MERTK: variants seen among roughly 807,000 people sequenced by gnomAD.
MERTK encodes MER proto-oncogene, tyrosine kinase.
Under a neutral mutation model 99.3 loss-of-function variants are expected in MERTK, and 69 were observed. That is an observed-to-expected ratio of 0.70 (90% confidence interval 0.57 to 0.85). MERTK has a LOEUF of 0.85. MERTK is among the 40% of genes least tolerant of loss of function. MERTK has a pLI of 0.00. For missense variants in MERTK, 1,125 were observed against 1,249.4 expected (o/e 0.90, Z 1.50); for synonymous variants, 426 against 467.6 (o/e 0.91, Z 1.15).
intron 1 of MERTK, among the ~76,000 whole-genome samples, chr2:111,905,791 A>G (rs1684126843): frequency 6.6e-6 from 1 of 152,100 alleles, no homozygotes; most frequent in South Asian, 2.1e-4. Context: ...TCAATTCTAA[A>G]GCATTTTATT....
rs983297088 is a variant in MERTK at position 112,022,678 on chromosome 2, A to G, written c.2486+284A>G. 6.2e-6 allele frequency: 4 copies of G among 646,914 alleles called. No homozygotes were observed. The East Asian group carries it at 1.2e-4, about 20-fold the overall frequency. The allele number at this position is 646,914 out of a possible 1,614,324, so 40.1% of individuals were successfully genotyped here. On this transcript the variant is annotated intron_variant, in intron 18 of 18. Coordinates refer to ENST00000295408, the MANE Select transcript of MERTK (RefSeq NM_006343.3). The stretch of plus-strand genomic sequence containing the variant: ...ACAAGGCAATGGCACCTGTCCTAAA[A>G]TTCCTTACACACCTCTAGGAAATAT...
chr2:112,028,589 C>T lies in MERTK; in HGVS notation c.2725C>T (p.Arg909Cys), dbSNP rs758693335. The T allele has an allele frequency of 1.4e-5, 23 of 1,614,198 alleles. No homozygotes were observed. Among genetic ancestry groups the T allele is most frequent in the Admixed American group, 5.0e-5 (3 of 60,024 alleles). ...PDSIIASCTP[R>C]AAISVVTAEV... ...CTCTATAATTGCCTCCTGCACTCCC[C>T]GCGCTGCCATCAGTGTGGTCACAGC... The change falls in exon 19 of 19, where the codon CGC becomes TGC. Residue 909 changes from arginine (R) to cysteine (C), a missense_variant. Coordinates refer to ENST00000295408, the MANE Select transcript of MERTK (RefSeq NM_006343.3).
chr2:111,960,582 T>C (rs1390151173), intron 4 of MERTK, among the ~76,000 whole-genome samples: 1 of 152,026 alleles, frequency 6.6e-6, no homozygotes, highest in Non-Finnish European at 1.5e-5. Context: ...ATCACTTACA[T>C]TGTTTTGATT....
chr2:111,989,664 A>G lies in MERTK; in HGVS notation c.1297-4587A>G, dbSNP rs958198278. ...GCCACCACTCCTGGACGGGTTGTGA[A>G]TTCTTATAAAGTAGTTGGGGATATT... On this transcript the variant is annotated intron_variant, in intron 8 of 18. Transcript: ENST00000295408. 1.1e-4 allele frequency among the ~76,000 whole-genome samples: 16 copies of G among 152,302 alleles called. No individual in the cohort carries two copies. In the Middle Eastern group the frequency reaches 0.01, roughly 97 times the overall value.
chr2:111,962,336 C>T (rs1470844760), intron 4 of MERTK, among the ~76,000 whole-genome samples: 1 of 152,030 alleles, frequency 6.6e-6, no homozygotes, highest in Non-Finnish European at 1.5e-5. Context: ...GGTGATACCC[C>T]GTCTCTACTA....
intron 1 of MERTK, among the ~76,000 whole-genome samples, chr2:111,907,066 TC>T (rs969378145): frequency 1.1e-4 from 17 of 152,234 alleles, no homozygotes; most frequent in African/African-American, 4.1e-4. Context: ...GTGTGAACTT[TC>T]TTAGACATCA....
chr2:112,026,825 A>G lies in MERTK; in HGVS notation c.2487-1526A>G, dbSNP rs527439642. On this transcript the variant is annotated intron_variant, in intron 18 of 18. Transcript: ENST00000295408. ...GTTGTGTGTGAAGTAACATGTTAGT[A>G]GAATTAGCCAAAAGTTCTATAGGCT... Among the ~76,000 whole-genome samples, 3 of 152,386 alleles carry G rather than the reference A, an allele frequency of 2.0e-5. No homozygotes were observed. In the South Asian group the frequency reaches 6.2e-4, roughly 32 times the overall value.
At chr2:112,015,816 A>T (rs963167484) in intron 15 of MERTK, 2 of 154,344 alleles carry the variant, frequency 1.3e-5, no homozygotes, top group African/African-American at 4.8e-5. Context: ...ACATTTAAGT[A>T]TATGACCAAT....
chr2:111,956,696 G>A (rs1685154201), intron 4 of MERTK, among the ~76,000 whole-genome samples: 1 of 152,146 alleles, frequency 6.6e-6, no homozygotes, highest in Admixed American at 6.5e-5. Context: ...GGTCTTCTCT[G>A]TCACCCAGGC....
chr2:111,951,288 A>T (rs1036998879), intron 4 of MERTK, among the ~76,000 whole-genome samples: 1 of 151,784 alleles, frequency 6.6e-6, no homozygotes, highest in East Asian at 1.9e-4. Context: ...CTGTGGACTA[A>T]AACTTTCTAC....
At chr2:112,027,771 C>T (rs557408697) in intron 18 of MERTK, among the ~76,000 whole-genome samples, 1 of 152,216 alleles carries the variant, frequency 6.6e-6, no homozygotes, top group African/African-American at 2.4e-5. Context: ...CCCCTGCCCT[C>T]ACCCCTGCTC....
At chr2:111,955,451 A>G (rs982688481) in intron 4 of MERTK, among the ~76,000 whole-genome samples, 2 of 152,192 alleles carry the variant, frequency 1.3e-5, no homozygotes, top group African/African-American at 4.8e-5. Flanking sequence ...AGGATGTTCT[A>G]TAAGGGGGTA....
At chr2:111,962,470 G>C (rs1230710592) in intron 4 of MERTK, among the ~76,000 whole-genome samples, 2 of 152,122 alleles carry the variant, frequency 1.3e-5, no homozygotes, top group Non-Finnish European at 2.9e-5. Flanking sequence ...TTGCACCATT[G>C]CCTGGGTGAT....
At chr2:112,023,567 G>C (rs980461343) in intron 18 of MERTK, among the ~76,000 whole-genome samples, 4 of 152,080 alleles carry the variant, frequency 2.6e-5, no homozygotes, top group Non-Finnish European at 5.9e-5. Context: ...GTATGGGGAA[G>C]AGACCCAGGC....
At position 112,028,960 on chromosome 2, in the gene MERTK, C is replaced by T. The variant is rs1403481325; in HGVS notation, c.*96C>T. 2.5e-6 allele frequency: 4 copies of T among 1,603,736 alleles called. No homozygotes were observed. The African/African-American group carries it at 4.0e-5, about 16-fold the overall frequency. On this transcript the variant is annotated 3_prime_UTR_variant, in exon 19 of 19. Transcript: ENST00000295408. ...ATGTTTTTGGTATTTGTCTTCCTTA[C>T]CAAGTGAACTCCATGGCCCCAAAGC...
chr2:112,011,385 G>C (rs957704220), intron 15 of MERTK, among the ~76,000 whole-genome samples: 2 of 152,248 alleles, frequency 1.3e-5, no homozygotes, highest in Admixed American at 1.3e-4. Context: ...CAGTGGCCTA[G>C]GGTCAGCCAG....
chr2:112,028,322 G>A lies in MERTK; in HGVS notation c.2487-29G>A, dbSNP rs202170455. On this transcript the variant is annotated intron_variant, in intron 18 of 18. Coordinates refer to ENST00000295408, the MANE Select transcript of MERTK (RefSeq NM_006343.3). ...CACAAAGAGATGGGTGCCATGCTGG[G>A]AGACAATCCACTTCTTTTTAACTTT... 3.8e-4 allele frequency: 605 copies of A among 1,610,328 alleles called. 4 individuals carry two copies. In the African/African-American group the frequency reaches 7.2e-3, roughly 19 times the overall value.
intron 4 of MERTK, among the ~76,000 whole-genome samples, chr2:111,958,817 A>C (rs993432487): frequency 6.6e-6 from 1 of 152,110 alleles, no homozygotes; most frequent in African/African-American, 2.4e-5. Flanking sequence ...ATAGGATCCT[A>C]CTATAGGTTC....
Position 112,029,062 on chromosome 2 carries a change from A to T in MERTK, c.*198A>T, listed in dbSNP as rs1677528847. 1 of 1,308,758 alleles carries T rather than the reference A, an allele frequency of 7.6e-7. No individual in the cohort carries two copies. The highest frequency in any genetic ancestry group is 1.5e-5 in the African/African-American group (1 of 67,222). The allele number at this position is 1,308,758 out of a possible 1,614,324, so 81.1% of individuals were successfully genotyped here. ...TTATTTAAAGAGAAAAAATATGTGTATATCATGGAAAAAGACAAGGATATT... is the reference window on the plus strand; with the variant it reads ...TTATTTAAAGAGAAAAAATATGTGTTTATCATGGAAAAAGACAAGGATATT... On this transcript the variant is annotated 3_prime_UTR_variant, in exon 19 of 19. Coordinates refer to ENST00000295408, the MANE Select transcript of MERTK (RefSeq NM_006343.3).
Sources: allele counts gnomAD v4.1 joint callset (sites outside exome capture counted in the v4.1 genomes callset), GRCh38; gene constraint gnomAD v4.1.1; transcripts MANE v1.5; gene names NCBI Gene and HGNC (gene_info 2026-07-23, HGNC 2026-07-21).